CPNE5: variants seen among roughly 807,000 people sequenced by gnomAD.
The protein encoded by CPNE5 is copine-5.
Under a neutral mutation model 81.1 loss-of-function variants are expected in CPNE5, and 42 were observed. The observed-to-expected ratio is 0.52, with a 90% CI of 0.40 to 0.67. The LOEUF (loss-of-function observed/expected upper bound fraction) is 0.67. Among genes scored for constraint, CPNE5 ranks in the 30% least tolerant of loss-of-function variants. CPNE5 has a pLI of 0.00. For synonymous variants in CPNE5, 313 were observed against 321.5 expected, an observed-to-expected ratio of 0.97 and a Z score of 0.28; for missense variants, 612 against 815.5, an observed-to-expected ratio of 0.75 and a Z score of 3.04.
chr6:36,813,407 T>C (rs1771274725), intron 3 of CPNE5, among the ~76,000 whole-genome samples: 1 of 152,198 alleles, frequency 6.6e-6, no homozygotes, highest in African/African-American at 2.4e-5. Context: ...GGCGCATGCC[T>C]GTAGTCCCAG....
At chr6:36,776,978 C>G (rs1228404365) in intron 9 of CPNE5, among the ~76,000 whole-genome samples, 1 of 152,228 alleles carries the variant, frequency 6.6e-6, no homozygotes, top group Non-Finnish European at 1.5e-5. Context: ...CTAGGCGGGC[C>G]TCCGGATCAG....
At chr6:36,835,413 G>C (rs1246156325) in intron 1 of CPNE5, among the ~76,000 whole-genome samples, 1 of 152,114 alleles carries the variant, frequency 6.6e-6, no homozygotes, top group African/African-American at 2.4e-5. Flanking sequence ...CGAGGGAGGA[G>C]GGTCTTTAAA....
chr6:36,778,790 C>T (rs185320376), intron 9 of CPNE5, 64 bp downstream of exon 9: 56 of 1,123,168 alleles, frequency 5.0e-5, no homozygotes, highest in Admixed American at 4.2e-4. Flanking sequence ...CACCACCACC[C>T]GTCCGTCCTT....
intron 8 of CPNE5, 29 bp downstream of exon 8, chr6:36,792,004 G>A (rs375168894): frequency 1.2e-5 from 20 of 1,603,142 alleles, no homozygotes; most frequent in African/African-American, 1.2e-4. Context: ...CCCCAACCAC[G>A]TCCTGTGCTG....
intron 8 of CPNE5, among the ~76,000 whole-genome samples, chr6:36,791,072 C>T (rs1299034826): frequency 6.6e-6 from 1 of 152,138 alleles, no homozygotes; most frequent in African/African-American, 2.4e-5. Flanking sequence ...GCTGTGTTCC[C>T]AGGGTAGCCC....
chr6:36,744,911 G>C, intron 18 of CPNE5, 137 bp downstream of exon 18: 1 of 661,596 alleles, frequency 1.5e-6, no homozygotes, highest in Non-Finnish European at 2.7e-6. Flanking sequence ...CAGTGAGGCA[G>C]GGAAATGAGA....
chr6:36,763,714 G>C (rs12189851), intron 11 of CPNE5, among the ~76,000 whole-genome samples: 2 of 152,044 alleles, frequency 1.3e-5, no homozygotes, highest in African/African-American at 2.4e-5. Context: ...GAAGCATTTA[G>C]AGGTAAAATG....
At chr6:36,781,368 G>A (rs1768021513) in intron 8 of CPNE5, among the ~76,000 whole-genome samples, 1 of 151,440 alleles carries the variant, frequency 6.6e-6, no homozygotes, top group Non-Finnish European at 1.5e-5. Flanking sequence ...CCTGTGTTAA[G>A]CCTTCATACT....
At chr6:36,827,772 G>A (rs1369336104) in intron 1 of CPNE5, 119 of 984,826 alleles carry the variant, frequency 1.2e-4, no homozygotes, top group Admixed American at 7.4e-4. Flanking sequence ...CGAAGGGCCC[G>A]AGACACCAGG....
At chr6:36,743,297 G>A in intron 20 of CPNE5, 1 of 925,560 alleles carries the variant, frequency 1.1e-6, no homozygotes, top group Non-Finnish European at 1.3e-6. Flanking sequence ...TGCTTACATT[G>A]ATTCAGTTAA....
intron 1 of CPNE5, among the ~76,000 whole-genome samples, chr6:36,834,077 ACAAAAAAAAAT>A (rs1773197443): frequency 2.8e-5 from 4 of 144,256 alleles, no homozygotes; most frequent in Middle Eastern, 3.4e-3. Context: ...AAACAAACGA[ACAAAAAAAAAT>A]CAAAAAAAAT....
At position 36,765,123 on chromosome 6, in the gene CPNE5, G is replaced by A. The variant is rs531076513; in HGVS notation, c.779+212C>T. ...CTCACACCATATCCTGCAGGACAGA[G>A]GTGCTTTGGTGCCTCCGTGGAGCTG... On this transcript the variant is annotated intron_variant, in intron 11 of 20. Transcript: ENST00000244751. Among the ~76,000 whole-genome samples, 15 of 152,298 alleles carry A rather than the reference G, an allele frequency of 9.8e-5. No individual in the cohort carries two copies. The East Asian group carries it at 2.9e-3, about 29-fold the overall frequency.
At chr6:36,832,844 G>T (rs990910174) in intron 1 of CPNE5, among the ~76,000 whole-genome samples, 1 of 152,140 alleles carries the variant, frequency 6.6e-6, no homozygotes, top group Admixed American at 6.6e-5. Context: ...ACCATCTCGA[G>T]TATCGCCTTG....
At chr6:36,813,896 G>A (rs746363946) in intron 3 of CPNE5, among the ~76,000 whole-genome samples, 4 of 152,156 alleles carry the variant, frequency 2.6e-5, no homozygotes, top group Non-Finnish European at 4.4e-5. Flanking sequence ...CAGGTCAATG[G>A]TAGATTGCGG....
chr6:36,751,544 C>T (rs929928142), intron 14 of CPNE5, among the ~76,000 whole-genome samples: 9 of 152,304 alleles, frequency 5.9e-5, no homozygotes, highest in African/African-American at 2.2e-4. Flanking sequence ...AATCCCAGCA[C>T]TTTGGGAGGC....
Position 36,811,192 on chromosome 6 carries a change from AGGGTG to A in CPNE5, c.183+10917_183+10921del, listed in dbSNP as rs1771071412. Among the ~76,000 whole-genome samples the A allele has an allele frequency of 2.0e-5, 3 of 152,090 alleles. No homozygotes were observed. In the South Asian group the frequency reaches 6.2e-4, roughly 32 times the overall value. ...CTTCTAGCCCCGGGTCTGACTGTAGAGGGTGGGGGGCCTGAGCAGTCCCCACCCTA... is the reference window on the plus strand; with the variant it reads ...CTTCTAGCCCCGGGTCTGACTGTAGAGGGGGCCTGAGCAGTCCCCACCCTA... On this transcript the variant is annotated intron_variant, in intron 3 of 20. Transcript: ENST00000244751.
intron 1 of CPNE5, chr6:36,827,608 CG>C: frequency 2.4e-5 from 24 of 985,422 alleles, no homozygotes; most frequent in Non-Finnish European, 2.7e-5. Flanking sequence ...AACACACACA[CG>C]TGTAGCACCA....
At chr6:36,744,208 G>A (rs1333225819) in intron 19 of CPNE5, 60 bp downstream of exon 19, 2 of 1,337,062 alleles carry the variant, frequency 1.5e-6, no homozygotes, top group East Asian at 2.5e-5. Flanking sequence ...AACATCTGGG[G>A]TGGGGGCAGG....
chr6:36,764,898 TCTGCATCTCCGTCACCC>T (rs1228264532), intron 11 of CPNE5, among the ~76,000 whole-genome samples: 2 of 152,176 alleles, frequency 1.3e-5, no homozygotes, highest in Admixed American at 1.3e-4. Context: ...GCTGGGCTCC[TCTGCATCTCCGTCACCC>T]CACAATGCTT....
Sources: gnomAD v4.1 joint callset for allele counts (sites outside exome capture counted in the v4.1 genomes callset) on GRCh38, gnomAD v4.1.1 for gene constraint, MANE v1.5 for transcripts, NCBI Gene and HGNC (gene_info 2026-07-23, HGNC 2026-07-21) for gene names.